Variants in DGCR2 observed in about 807,000 individuals in gnomAD.
The protein encoded by DGCR2 is integral membrane protein DGCR2/IDD.
In DGCR2, 24 loss-of-function variants were observed where a neutral mutation model predicts 51.6. The ratio of observed to expected loss-of-function variants is 0.47; its 90% CI spans 0.34 to 0.65. The LOEUF is 0.65. Among genes scored for constraint, DGCR2 ranks in the 30% least tolerant of loss-of-function variants. The pLI is 0.01. For missense variants in DGCR2, 765 were observed against 772.1 expected (o/e 0.99, Z 0.11); for synonymous variants, 340 against 315.4 (o/e 1.08, Z -0.82).
At chr22:19,119,735 CAAAAA>C (rs57362176) in intron 1 of DGCR2, among the ~76,000 whole-genome samples, 3 of 78,138 alleles carry the variant, frequency 3.8e-5, no homozygotes, top group Non-Finnish European at 5.0e-5. Flanking sequence ...GACTCTGTCT[CAAAAA>C]AAAAAAAAAA....
Position 19,083,570 on chromosome 22 carries a change from T to A in DGCR2, c.202+5798A>T, listed in dbSNP as rs528475399. 1.5e-3 allele frequency among the ~76,000 whole-genome samples: 224 copies of A among 152,340 alleles called. 2 individuals carry two copies. Among genetic ancestry groups the A allele is most frequent in the African/African-American group, 5.2e-3 (217 of 41,580 alleles). ...TTCCTAGGCAAGAACATTCTGCCAC[T>A]ATTTACTTGTCTTCTTTAATGTCTC... On this transcript the variant is annotated intron_variant, in intron 2 of 9. Coordinates refer to ENST00000263196, the MANE Select transcript of DGCR2 (RefSeq NM_005137.3).
At chr22:19,067,543 A>T (rs941817214) in intron 3 of DGCR2, among the ~76,000 whole-genome samples, 5 of 151,886 alleles carry the variant, frequency 3.3e-5, no homozygotes, top group Non-Finnish European at 7.4e-5. Context: ...AAATACAAAA[A>T]TTAGCCGGGC....
At chr22:19,039,465 C>G (rs930732276) in intron 9 of DGCR2, among the ~76,000 whole-genome samples, 2 of 152,170 alleles carry the variant, frequency 1.3e-5, no homozygotes, top group African/African-American at 4.8e-5. Flanking sequence ...AAAGGGAAAC[C>G]GTCTCAGACT....
chr22:19,096,565 C>G (rs2083142020), intron 1 of DGCR2, among the ~76,000 whole-genome samples: 1 of 151,916 alleles, frequency 6.6e-6, no homozygotes, highest in Admixed American at 6.6e-5. Context: ...CATATATACC[C>G]CACACATGTA....
intron 5 of DGCR2, among the ~76,000 whole-genome samples, chr22:19,060,008 C>CCACTCCACAGAAT (rs1234307209): frequency 1.3e-5 from 2 of 152,192 alleles, no homozygotes; most frequent in African/African-American, 4.8e-5. Flanking sequence ...AGCCTCCACT[C>CCACTCCACAGAAT]GGGCCCACCA....
chr22:19,065,205 T>A, intron 3 of DGCR2, 138 bp from the exon 4 acceptor site: 2 of 705,934 alleles, frequency 2.8e-6, no homozygotes, highest in South Asian at 3.7e-5. Flanking sequence ...GAGGACAAGG[T>A]CTGCTTCTGA....
chr22:19,109,073 T>C (rs2083288806), intron 1 of DGCR2, among the ~76,000 whole-genome samples: 1 of 151,778 alleles, frequency 6.6e-6, no homozygotes, highest in Non-Finnish European at 1.5e-5. Flanking sequence ...CAGGGAAATG[T>C]AAGCCAAAAC....
intron 2 of DGCR2, among the ~76,000 whole-genome samples, chr22:19,069,605 T>C (rs1381927696): frequency 6.6e-6 from 1 of 152,262 alleles, no homozygotes; most frequent in East Asian, 1.9e-4. Context: ...AACAGCTTTC[T>C]ATATTTTTAA....
At chr22:19,120,023 C>G (rs2083415050) in intron 1 of DGCR2, among the ~76,000 whole-genome samples, 2 of 152,132 alleles carry the variant, frequency 1.3e-5, no homozygotes, top group Non-Finnish European at 2.9e-5. Context: ...AAGCACCAGC[C>G]AGGCAGATCC....
At position 19,038,740 on chromosome 22, in the gene DGCR2, C is replaced by T; in HGVS notation, c.*125G>A. 6 of 1,349,348 alleles carry T rather than the reference C, an allele frequency of 4.4e-6. No homozygotes were observed. Among genetic ancestry groups the T allele is most frequent in the South Asian group, 2.8e-5 (2 of 71,364 alleles). The allele number at this position is 1,349,348 out of a possible 1,614,324, so 83.6% of individuals were successfully genotyped here. ...TGGTCTCTATGTACACACGCGAGCCCGCCAGTGACGTGCGGCAGTGCGTGG... is the reference window on the plus strand; with the variant it reads ...TGGTCTCTATGTACACACGCGAGCCTGCCAGTGACGTGCGGCAGTGCGTGG... On this transcript the variant is annotated 3_prime_UTR_variant, in exon 10 of 10. Coordinates refer to ENST00000263196, the MANE Select transcript of DGCR2 (RefSeq NM_005137.3).
intron 1 of DGCR2, among the ~76,000 whole-genome samples, chr22:19,094,935 T>C (rs766201043): frequency 6.6e-6 from 1 of 152,134 alleles, no homozygotes; most frequent in Non-Finnish European, 1.5e-5. Flanking sequence ...AAAAATGCAC[T>C]TGCAGCTATC....
At position 19,059,386 on chromosome 22, in the gene DGCR2, A is replaced by G. The variant is rs550339137; in HGVS notation, c.626-2224T>C. Among the ~76,000 whole-genome samples, 11 of 152,122 alleles carry G rather than the reference A, an allele frequency of 7.2e-5. No homozygotes were observed. In the South Asian group the frequency reaches 1.9e-3, roughly 26 times the overall value. On this transcript the variant is annotated intron_variant, in intron 5 of 9. Coordinates refer to ENST00000263196, the MANE Select transcript of DGCR2 (RefSeq NM_005137.3). ...TTCCAAAGGTGTGAGAGGAGCCTGGAGGCTTCCCGATACTGCACTGGGGAT... is the reference window on the plus strand; with the variant it reads ...TTCCAAAGGTGTGAGAGGAGCCTGGGGGCTTCCCGATACTGCACTGGGGAT...
rs549454606 is a variant in DGCR2 at position 19,089,355 on chromosome 22, T to C, written c.202+13A>G. 14 of 1,586,846 alleles carry C rather than the reference T, an allele frequency of 8.8e-6. No homozygotes were observed. Among genetic ancestry groups the C allele is most frequent in the Middle Eastern group, 1.7e-4 (1 of 5,942 alleles). ...ACAAGGTGGTGTGTACCCCGCCTAC[T>C]CAACACACTCACCTGGACAGTTGGC... is the stretch of plus-strand genomic sequence containing the variant. On this transcript the variant is annotated intron_variant, in intron 2 of 9. Coordinates refer to ENST00000263196, the MANE Select transcript of DGCR2 (RefSeq NM_005137.3).
intron 6 of DGCR2, among the ~76,000 whole-genome samples, chr22:19,052,602 G>A (rs1252953711): frequency 1.5e-5 from 2 of 136,710 alleles, no homozygotes; most frequent in Admixed American, 7.4e-5. Context: ...GCGAAATCCC[G>A]CCTCTACAAA....
chr22:19,064,761 AG>A, intron 4 of DGCR2, 86 bp downstream of exon 4: 2 of 1,299,550 alleles, frequency 1.5e-6, no homozygotes, highest in Non-Finnish European at 2.2e-6. Context: ...GCTGTGCTCC[AG>A]GAGTTTACTG....
At chr22:19,091,168 G>A (rs1184331161) in intron 1 of DGCR2, among the ~76,000 whole-genome samples, 1 of 152,198 alleles carries the variant, frequency 6.6e-6, no homozygotes, top group Non-Finnish European at 1.5e-5. Flanking sequence ...GGACCAGCCT[G>A]AGCAACATGG....
rs1197665448 is a variant in DGCR2, at chr22:19,038,917, G to A, written c.1601C>T (p.Ala534Val). 9 of 1,612,810 alleles carry A rather than the reference G, an allele frequency of 5.6e-6. No homozygotes were observed. The South Asian group carries it at 8.8e-5, about 16-fold the overall frequency. ...AQSGSTPAAE[A>V]LPGGGRHSRS... ...GCTGTGGCGGCCACCCCCTGGCAGT[G>A]CCTCTGCAGCTGGGGTGCTCCCGCT... The change falls in exon 10 of 10, where the codon GCA becomes GTA. Residue 534 changes from alanine to valine, a missense_variant. This residue lies in a region of DGCR2 where 205 missense variants were observed against 181.4 expected (regional missense o/e 1.13). Coordinates refer to ENST00000263196, the MANE Select transcript of DGCR2 (RefSeq NM_005137.3).
chr22:19,097,066 G>A (rs1330078654), intron 1 of DGCR2, among the ~76,000 whole-genome samples: 1 of 151,826 alleles, frequency 6.6e-6, no homozygotes, highest in Non-Finnish European at 1.5e-5. Flanking sequence ...ACAACACTGG[G>A]GGTTTTCTTT....
At chr22:19,095,042 C>T (rs939957856) in intron 1 of DGCR2, among the ~76,000 whole-genome samples, 4 of 152,190 alleles carry the variant, frequency 2.6e-5, no homozygotes, top group Non-Finnish European at 2.9e-5. Context: ...ACTGTGGTGA[C>T]GGTTTCACAG....
Sources: gnomAD v4.1 joint callset for allele counts (sites outside exome capture counted in the v4.1 genomes callset) on GRCh38, gnomAD v4.1.1 for gene constraint, gnomAD v4.1.1 regional missense constraint, MANE v1.5 for transcripts, NCBI Gene and HGNC (gene_info 2026-07-23, HGNC 2026-07-21) for gene names.